Variants in SGCD observed in about 807,000 individuals in gnomAD.
SGCD encodes sarcoglycan delta.
A neutral mutation model predicts 36.6 loss-of-function variants in SGCD; 18 were observed. The observed-to-expected ratio is 0.49, with a 90% CI of 0.34 to 0.73. The LOEUF (loss-of-function observed/expected upper bound fraction) is 0.73, where lower values mean the gene tolerates loss of function less well. SGCD is among the 30% of genes least tolerant of loss of function. SGCD has a pLI of 0.01. For synonymous variants in SGCD, 133 were observed against 130.6 expected (o/e 1.02, Z -0.12); for missense variants, 387 against 346.7 (o/e 1.12, Z -0.92).
intron 3 of SGCD, among the ~76,000 whole-genome samples, chr5:156,474,379 C>T (rs191762617): frequency 1.3e-5 from 2 of 152,320 alleles, no homozygotes; most frequent in East Asian, 1.9e-4. Flanking sequence ...TGCACTTATG[C>T]GTACCCTTCC....
intron 3 of SGCD, among the ~76,000 whole-genome samples, chr5:156,398,735 A>C (rs989478659): frequency 3.9e-5 from 6 of 152,162 alleles, no homozygotes; most frequent in African/African-American, 7.2e-5. Flanking sequence ...GTACTTCCCC[A>C]TGCTCTTTTT....
intron 7 of SGCD, among the ~76,000 whole-genome samples, chr5:156,732,165 C>T (rs1026207614): frequency 6.6e-6 from 1 of 152,074 alleles, no homozygotes; most frequent in East Asian, 1.9e-4. Context: ...CAGGTGAGAA[C>T]TTCCAATACT....
intron 1 of SGCD, among the ~76,000 whole-genome samples, chr5:155,930,529 A>C (rs2113390198): frequency 6.6e-6 from 1 of 152,322 alleles, no homozygotes; most frequent in African/African-American, 2.4e-5. Context: ...AATGGTCTTT[A>C]GAGCCCTTCC....
intron 3 of SGCD, among the ~76,000 whole-genome samples, chr5:156,124,831 G>A (rs889967482): frequency 2.0e-5 from 3 of 151,962 alleles, no homozygotes; most frequent in Non-Finnish European, 4.4e-5. Flanking sequence ...TGTGAGTCAG[G>A]CATTGTGCTA....
intron 3 of SGCD, among the ~76,000 whole-genome samples, chr5:156,178,076 A>G (rs1763515836): frequency 6.6e-6 from 1 of 152,232 alleles, no homozygotes; most frequent in Admixed American, 6.5e-5. Flanking sequence ...ATCTAACAGA[A>G]AGCCTATTTT....
intron 3 of SGCD, among the ~76,000 whole-genome samples, chr5:156,457,448 A>G (rs991272227): frequency 6.6e-6 from 1 of 152,252 alleles, no homozygotes; most frequent in African/African-American, 2.4e-5. Context: ...AGCACAAAAC[A>G]GTAAGTATTT....
At chr5:156,409,284 C>A (rs1772610780) in intron 3 of SGCD, among the ~76,000 whole-genome samples, 2 of 152,020 alleles carry the variant, frequency 1.3e-5, no homozygotes, top group South Asian at 2.1e-4. Context: ...GTTCATTTTT[C>A]TTCTCTTTGA....
intron 3 of SGCD, among the ~76,000 whole-genome samples, chr5:156,201,145 A>G (rs1180172902): frequency 1.3e-5 from 2 of 152,196 alleles, no homozygotes; most frequent in Non-Finnish European, 2.9e-5. Flanking sequence ...TGCAAAATAA[A>G]AAGTTCCAAA....
intron 3 of SGCD, among the ~76,000 whole-genome samples, chr5:156,505,016 C>T (rs889148200): frequency 7.2e-5 from 11 of 152,192 alleles, no homozygotes; most frequent in African/African-American, 2.2e-4. Flanking sequence ...GATGAAGCAG[C>T]GCAGTCAGTT....
chr5:156,190,777 A>G (rs1763872656), intron 3 of SGCD, among the ~76,000 whole-genome samples: 1 of 152,140 alleles, frequency 6.6e-6, no homozygotes, highest in African/African-American at 2.4e-5. Flanking sequence ...AAAGTACCCT[A>G]TTTTAAAGAA....
In SGCD at chr5:156,083,419, C is replaced by T. The variant is rs374283016; in HGVS notation, c.-281-34459C>T. ...AAGTGATTCTCCCACCACAGCCTCC[C>T]GAGTAGCTGGGATTACAGGCATGCG... is the stretch of plus-strand genomic sequence containing the variant. On this transcript the variant is annotated intron_variant, in intron 1 of 9. Transcript: ENST00000517913. Among the ~76,000 whole-genome samples, 68 of 151,912 alleles carry T rather than the reference C, an allele frequency of 4.5e-4. 1 individual carries two copies. Among genetic ancestry groups the T allele is most frequent in the South Asian group, 1.2e-3 (6 of 4,804 alleles).
chr5:156,143,758 CTA>C (rs1217838453), intron 3 of SGCD, among the ~76,000 whole-genome samples: 2 of 151,800 alleles, frequency 1.3e-5, no homozygotes, highest in Non-Finnish European at 2.9e-5. Context: ...AAATTATACT[CTA>C]AGTTTTAGGG....
intron 3 of SGCD, among the ~76,000 whole-genome samples, chr5:156,346,573 T>G (rs1768951842): frequency 6.6e-6 from 1 of 152,156 alleles, no homozygotes; most frequent in African/African-American, 2.4e-5. Context: ...GTGCTGGGAT[T>G]AGAAGCATGA....
chr5:156,202,810 A>G (rs191489048), intron 3 of SGCD, among the ~76,000 whole-genome samples: 2 of 148,230 alleles, frequency 1.3e-5, no homozygotes, highest in East Asian at 4.0e-4. Flanking sequence ...GATTGGAGTT[A>G]ATGCAGTTGG....
chr5:155,988,860 T>C (rs1032360730), intron 1 of SGCD, among the ~76,000 whole-genome samples: 2 of 152,178 alleles, frequency 1.3e-5, no homozygotes, highest in African/African-American at 2.4e-5. Context: ...AAACATTCAG[T>C]AAGTTTAGCT....
chr5:156,685,507 A>G (rs1045360010), intron 7 of SGCD, among the ~76,000 whole-genome samples: 1 of 152,154 alleles, frequency 6.6e-6, no homozygotes, highest in African/African-American at 2.4e-5. Flanking sequence ...CATAGAGTAG[A>G]AAGGGCCATC....
intron 7 of SGCD, among the ~76,000 whole-genome samples, chr5:156,679,551 C>T (rs1046933069): frequency 6.6e-6 from 1 of 152,116 alleles, no homozygotes; most frequent in African/African-American, 2.4e-5. Context: ...GCTCTAGGGG[C>T]CATTTCATAA....
intron 1 of SGCD, among the ~76,000 whole-genome samples, chr5:156,061,562 T>G (rs895353049): frequency 1.4e-5 from 2 of 146,286 alleles, no homozygotes; most frequent in African/African-American, 2.5e-5. Context: ...TGAATGTTAA[T>G]GAATTGGACC....
rs566979757 is a variant in SGCD, at chr5:156,712,513, G to A, written c.576-45068G>A. Reference sequence around the variant, plus strand: ...TCGACTTCTGTATTAGGTAGGAACCGTTGTTTGCAAATATTAGAGACTAGA... The same window carrying A: ...TCGACTTCTGTATTAGGTAGGAACCATTGTTTGCAAATATTAGAGACTAGA... On this transcript the variant is annotated intron_variant, in intron 7 of 8. Transcript: ENST00000337851. Among the ~76,000 whole-genome samples, 14 of 152,308 alleles carry A rather than the reference G, an allele frequency of 9.2e-5. No individual in the cohort carries two copies. In the South Asian group the frequency reaches 2.3e-3, roughly 25 times the overall value.
Sources: gnomAD v4.1 joint callset for allele counts (sites outside exome capture counted in the v4.1 genomes callset) on GRCh38, gnomAD v4.1.1 for gene constraint, MANE v1.5 for transcripts, NCBI Gene and HGNC (gene_info 2026-07-23, HGNC 2026-07-21) for gene names.